The following PSMA5 variants were observed in gnomAD, a reference collection of about 807,000 sequenced individuals.
PSMA5 encodes proteasome subunit alpha type-5.
A neutral mutation model predicts 34.5 loss-of-function variants in PSMA5; 3 were observed. That is an observed-to-expected ratio of 0.09 (90% CI 0.04 to 0.22). PSMA5 has a LOEUF of 0.22. PSMA5 is among the 10% of genes least tolerant of loss of function. The pLI is 1.00. For missense variants in PSMA5, 120 were observed against 286.1 expected (o/e 0.42, Z 4.19); for synonymous variants, 88 against 95.8 (o/e 0.92, Z 0.47).
intron 8 of PSMA5, among the ~76,000 whole-genome samples, chr1:109,402,429 C>T (rs1653569151): frequency 6.6e-6 from 1 of 152,156 alleles, no homozygotes; most frequent in South Asian, 2.1e-4. Flanking sequence ...GTTAAAGACT[C>T]CTTTAGAAAT....
In PSMA5 at chr1:109,415,228, A is replaced by G. The variant is rs777661481; in HGVS notation, c.223+9T>C. The G allele has an allele frequency of 3.1e-6, 5 of 1,609,566 alleles. No individual in the cohort carries two copies. The highest frequency in any genetic ancestry group is 4.2e-6 in the Non-Finnish European group (5 of 1,177,226). On this transcript the variant is annotated intron_variant, in intron 3 of 8. Transcript: ENST00000271308. ...AGATCCTACAGAACAGCTTTCCTCC[A>G]CTCCTTACCTATGTGAGCATCAATC...
intron 1 of PSMA5, among the ~76,000 whole-genome samples, chr1:109,422,363 A>G (rs942089521): frequency 6.6e-6 from 1 of 152,044 alleles, no homozygotes; most frequent in Non-Finnish European, 1.5e-5. Flanking sequence ...TCCATTCTCA[A>G]TGCCCTCATT....
At chr1:109,402,152 T>A in intron 8 of PSMA5, 62 bp from the exon 9 acceptor site, 1 of 1,237,472 alleles carries the variant, frequency 8.1e-7, no homozygotes, top group Non-Finnish European at 1.2e-6. Context: ...GGCCCTACCA[T>A]GGTCAGGAGA....
In PSMA5 at chr1:109,408,533, T is replaced by C. The variant is rs541414741; in HGVS notation, c.648+1395A>G. Among the ~76,000 whole-genome samples the C allele has an allele frequency of 2.0e-5, 3 of 152,366 alleles. No individual in the cohort carries two copies. In the East Asian group the frequency reaches 5.8e-4, roughly 29 times the overall value. On this transcript the variant is annotated intron_variant, in intron 8 of 8. Transcript: ENST00000271308. ...GAATAGGAATTGGATTTTCTGTGTC[T>C]GTAACCCTGGGCATCTAGCATAATA... is the stretch of plus-strand genomic sequence containing the variant.
intron 2 of PSMA5, among the ~76,000 whole-genome samples, chr1:109,416,663 CATAT>C (rs1654211341): frequency 6.6e-6 from 1 of 152,138 alleles, no homozygotes; most frequent in Non-Finnish European, 1.5e-5. Context: ...ATTTCACACG[CATAT>C]ATATTATTTT....
At chr1:109,416,199 C>T (rs534832555) in intron 2 of PSMA5, among the ~76,000 whole-genome samples, 44 of 152,290 alleles carry the variant, frequency 2.9e-4, no homozygotes, top group African/African-American at 1.0e-3. Flanking sequence ...CTCAATGTAT[C>T]TCTAATGTTA....
chr1:109,410,746 GACTA>G (rs1167583056), intron 7 of PSMA5, among the ~76,000 whole-genome samples: 32 of 152,294 alleles, frequency 2.1e-4, no homozygotes, highest in Admixed American at 5.2e-4. Flanking sequence ...GATACAAACT[GACTA>G]ACTGTTTAAT....
chr1:109,410,044 A>G (rs148909948), intron 7 of PSMA5, 30 bp from the exon 8 acceptor site: 1 of 1,367,052 alleles, frequency 7.3e-7, no homozygotes, highest in African/African-American at 1.4e-5. Context: ...GAAGATGCCT[A>G]TTAATTATGC....
intron 4 of PSMA5, 196 bp from the exon 5 acceptor site, chr1:109,412,380 G>A: frequency 1.9e-6 from 1 of 537,832 alleles, no homozygotes; most frequent in Admixed American, 3.2e-5. Context: ...CATATCACAA[G>A]GACTCTACGC....
intron 8 of PSMA5, among the ~76,000 whole-genome samples, chr1:109,407,730 T>C (rs556264278): frequency 6.6e-6 from 1 of 152,136 alleles, no homozygotes; most frequent in East Asian, 1.9e-4. Context: ...CAACCTCTAC[T>C]GCCCAGGTTC....
chr1:109,426,437 T>A lies in PSMA5; in HGVS notation c.-107A>T. ...CAACTCACCCACACGGCCGCAGTAC[T>A]AAGGACCAACTGCGCGTGCGACCGC... On this transcript the variant is annotated 5_prime_UTR_variant, in exon 1 of 9. Coordinates refer to ENST00000271308, the MANE Select transcript of PSMA5 (RefSeq NM_002790.4). 1 of 1,424,186 alleles carries A rather than the reference T, an allele frequency of 7.0e-7. No individual in the cohort carries two copies. Among genetic ancestry groups the A allele is most frequent in the Non-Finnish European group, 9.9e-7 (1 of 1,007,830 alleles). The allele number at this position is 1,424,186 out of a possible 1,614,324, so 88.2% of individuals were successfully genotyped here.
At chr1:109,406,927 G>A (rs1023601061) in intron 8 of PSMA5, among the ~76,000 whole-genome samples, 1 of 152,098 alleles carries the variant, frequency 6.6e-6, no homozygotes, top group African/African-American at 2.4e-5. Context: ...AAGGACACTC[G>A]ACAGAAGGAG....
chr1:109,411,993 G>A (rs1156364083), intron 5 of PSMA5, 58 bp from the exon 6 acceptor site: 2 of 1,588,176 alleles, frequency 1.3e-6, no homozygotes, highest in South Asian at 1.1e-5. Context: ...GGAGGTGAGA[G>A]GGGCTGGGAA....
rs1007231880 is a variant in PSMA5, at chr1:109,399,963, CAT to C, written c.*2048_*2049del. On this transcript the variant is annotated 3_prime_UTR_variant, in exon 9 of 9. Coordinates refer to ENST00000271308, the MANE Select transcript of PSMA5 (RefSeq NM_002790.4). ...GAAACATTCTATAGCAGAAAGATAA[CAT>C]AAAGCAATTACACATCATGAAACCA... 45 of 152,250 alleles carry C rather than the reference CAT, an allele frequency of 3.0e-4. No individual in the cohort carries two copies. Among genetic ancestry groups the C allele is most frequent in the African/African-American group, 9.6e-4 (40 of 41,550 alleles). The allele number at this position is 152,250 out of a possible 1,614,324, so 9.4% of individuals were successfully genotyped here. A position where few individuals can be genotyped will look rare whatever the true frequency, so the allele number is the denominator to read the frequency against.
intron 8 of PSMA5, among the ~76,000 whole-genome samples, chr1:109,405,278 GA>G (rs1653703682): frequency 6.6e-6 from 1 of 152,108 alleles, no homozygotes; most frequent in South Asian, 2.1e-4. Flanking sequence ...AAGATTTTCG[GA>G]ATAGGAATAT....
intron 8 of PSMA5, among the ~76,000 whole-genome samples, chr1:109,402,343 ATT>A (rs112900397): frequency 4.3e-4 from 65 of 152,382 alleles, no homozygotes; most frequent in African/African-American, 1.4e-3. Flanking sequence ...GCCTGGCATC[ATT>A]GTCACTTCTT....
chr1:109,413,025 G>A, intron 4 of PSMA5, 43 bp downstream of exon 4: 1 of 1,524,610 alleles, frequency 6.6e-7, no homozygotes, highest in Non-Finnish European at 9.1e-7. Context: ...ACTAAACAAG[G>A]AACTCAAGCA....
At position 109,401,998 on chromosome 1, in the gene PSMA5, G is replaced by A; in HGVS notation, c.*15C>T. 6.3e-7 allele frequency: 1 copy of A among 1,577,630 alleles called. No homozygotes were observed. Among genetic ancestry groups the A allele is most frequent in the Non-Finnish European group, 8.7e-7 (1 of 1,150,612 alleles). On this transcript the variant is annotated 3_prime_UTR_variant, in exon 9 of 9. Transcript: ENST00000271308. ...ACTGAAATTGTCCCAGAGAAGTTCT[G>A]AGGATCAGGATTCCTTAAATGTCCT...
intron 8 of PSMA5, among the ~76,000 whole-genome samples, chr1:109,402,646 C>G (rs1213221111): frequency 6.6e-6 from 1 of 152,120 alleles, no homozygotes; most frequent in Non-Finnish European, 1.5e-5. Flanking sequence ...TAACTATTGT[C>G]AGGTATTTTC....
Sources: gnomAD v4.1 joint callset for allele counts (sites outside exome capture counted in the v4.1 genomes callset) on GRCh38, gnomAD v4.1.1 for gene constraint, MANE v1.5 for transcripts, NCBI Gene and HGNC (gene_info 2026-07-23, HGNC 2026-07-21) for gene names.